Variants in ZNF704 observed in about 807,000 individuals in gnomAD.
ZNF704 encodes the protein glucocorticoid induced gene 1.
In ZNF704, 10 loss-of-function variants were observed where a neutral mutation model predicts 44.7. The observed-to-expected ratio is 0.22, with a 90% CI of 0.14 to 0.38. The LOEUF (loss-of-function observed/expected upper bound fraction) is 0.38. Ranked by LOEUF, ZNF704 falls within the 10% of genes least tolerant of loss-of-function variation. The pLI, the probability that ZNF704 is intolerant of heterozygous loss-of-function variation, is 1.00. For synonymous variants in ZNF704, 211 were observed against 207.6 expected (o/e 1.02, Z -0.14); for missense variants, 390 against 545.5 (o/e 0.71, Z 2.84).
intron 2 of ZNF704, among the ~76,000 whole-genome samples, chr8:80,797,151 A>G (rs116892168): frequency 0.013 from 1,905 of 152,254 alleles, 18 homozygotes; most frequent in Non-Finnish European, 0.02. Context: ...GTATACTGGT[A>G]TGAGGGTTGG....
intron 2 of ZNF704, among the ~76,000 whole-genome samples, chr8:80,698,843 T>C (rs2131642402): frequency 6.6e-6 from 1 of 152,338 alleles, no homozygotes; most frequent in Non-Finnish European, 1.5e-5. Flanking sequence ...CAAACCCAGC[T>C]ATTGTTTGTG....
At chr8:80,873,379 G>A (rs553891089) in intron 1 of ZNF704, among the ~76,000 whole-genome samples, 3 of 151,988 alleles carry the variant, frequency 2.0e-5, no homozygotes, top group Non-Finnish European at 4.4e-5. Context: ...ACAGTTCCTC[G>A]CGCTGCCCCG....
At chr8:80,786,133 T>C (rs913155514) in intron 2 of ZNF704, among the ~76,000 whole-genome samples, 2 of 152,098 alleles carry the variant, frequency 1.3e-5, no homozygotes, top group Non-Finnish European at 2.9e-5. Context: ...CATGGTGACA[T>C]ACACCTGTAG....
Position 80,659,502 on chromosome 8 carries a change from T to C in ZNF704, c.1032+83A>G. 13 of 1,074,552 alleles carry C rather than the reference T, an allele frequency of 1.2e-5. No individual in the cohort carries two copies. In the South Asian group the frequency reaches 1.5e-4, roughly 13 times the overall value. The allele number at this position is 1,074,552 out of a possible 1,614,324, so 66.6% of individuals were successfully genotyped here. A position where few individuals can be genotyped will look rare whatever the true frequency, so the allele number is the denominator to read the frequency against. Reference sequence around the variant, plus strand: ...TGGCATTCTGATGTTTGTATTTTTCTTGCATGCCTCTACTATTTGTTCGCT... The same window carrying C: ...TGGCATTCTGATGTTTGTATTTTTCCTGCATGCCTCTACTATTTGTTCGCT... On this transcript the variant is annotated intron_variant, in intron 7 of 8. Coordinates refer to ENST00000327835, the MANE Select transcript of ZNF704 (RefSeq NM_001033723.3).
upstream of ZNF704, chr8:80,874,864 CTG>C (rs976400067): frequency 1.3e-5 from 2 of 149,902 alleles, no homozygotes; most frequent in African/African-American, 2.4e-5. This position sits in a 1 kb window ranked among gnomAD's most constrained non-coding sequence, Gnocchi z 4.4. Flanking sequence ...TTTCGAAACA[CTG>C]TTTCATGAGC....
chr8:80,746,630 T>C (rs2131700065), intron 2 of ZNF704, among the ~76,000 whole-genome samples: 1 of 152,260 alleles, frequency 6.6e-6, no homozygotes, highest in South Asian at 2.1e-4. Flanking sequence ...AAGAACCAAC[T>C]AGATAGAACC....
At chr8:80,705,347 T>C (rs1484957785) in intron 2 of ZNF704, among the ~76,000 whole-genome samples, 1 of 152,004 alleles carries the variant, frequency 6.6e-6, no homozygotes, top group African/African-American at 2.4e-5. Context: ...TGGGTGTGTG[T>C]TTCTGCACAG....
At position 80,785,515 on chromosome 8, in the gene ZNF704, CTCTT is replaced by C. The variant is rs531956045; in HGVS notation, c.221+35855_221+35858del. 4.0e-3 allele frequency among the ~76,000 whole-genome samples: 605 copies of C among 152,190 alleles called. 1 individual carries two copies. The highest frequency in any genetic ancestry group is 5.3e-3 in the Non-Finnish European group (361 of 67,992). ...TGCAAGGTGACTTACCCATTTTTTC[CTCTT>C]TATTTATCAAATCATTTATTTATAT... On this transcript the variant is annotated intron_variant, in intron 2 of 8. Transcript: ENST00000327835.
intron 2 of ZNF704, among the ~76,000 whole-genome samples, chr8:80,740,382 T>A (rs1806736889): frequency 6.6e-6 from 1 of 152,060 alleles, no homozygotes; most frequent in African/African-American, 2.4e-5. Flanking sequence ...CTGTTCAAAT[T>A]AAACTAAAGG....
intron 2 of ZNF704, among the ~76,000 whole-genome samples, chr8:80,740,012 G>T (rs1806730555): frequency 6.6e-6 from 1 of 152,128 alleles, no homozygotes; most frequent in Non-Finnish European, 1.5e-5. Context: ...TTGAGGGTCA[G>T]GAGGTTAACT....
intron 2 of ZNF704, among the ~76,000 whole-genome samples, chr8:80,712,659 A>G (rs1046627296): frequency 1.3e-5 from 2 of 151,998 alleles, no homozygotes; most frequent in African/African-American, 4.8e-5. Flanking sequence ...ATATTTTAAG[A>G]TTATACTAAA....
intron 5 of ZNF704, among the ~76,000 whole-genome samples, chr8:80,665,659 A>AC (rs1032798227): frequency 3.3e-5 from 5 of 152,078 alleles, no homozygotes; most frequent in East Asian, 1.9e-4. Flanking sequence ...CTGCACTTGT[A>AC]CCCCCCCATT....
chr8:80,701,547 C>T (rs1187538516), intron 2 of ZNF704, among the ~76,000 whole-genome samples: 1 of 152,156 alleles, frequency 6.6e-6, no homozygotes, highest in African/African-American at 2.4e-5. Context: ...AAGACCTCCT[C>T]TCTCCTGTTC....
At chr8:80,854,844 G>C (rs1040896946) in intron 1 of ZNF704, among the ~76,000 whole-genome samples, 1 of 151,894 alleles carries the variant, frequency 6.6e-6, no homozygotes, top group African/African-American at 2.4e-5. Flanking sequence ...TTACTTATTT[G>C]TTTGACTATT....
At chr8:80,680,895 G>T (rs1180799277) in intron 4 of ZNF704, among the ~76,000 whole-genome samples, 1 of 152,160 alleles carries the variant, frequency 6.6e-6, no homozygotes, top group African/African-American at 2.4e-5. Context: ...ACCTCCATGT[G>T]CTGTTTATAG....
At position 80,729,068 on chromosome 8, in the gene ZNF704, C is replaced by G. The variant is rs73693876; in HGVS notation, c.222-35961G>C. Among the ~76,000 whole-genome samples, 56 of 152,166 alleles carry G rather than the reference C, an allele frequency of 3.7e-4. 1 individual carries two copies. Among genetic ancestry groups the G allele is most frequent in the African/African-American group, 1.3e-3 (56 of 41,492 alleles). On this transcript the variant is annotated intron_variant, in intron 2 of 8. Transcript: ENST00000327835. ...TTCATCATTCCCTCCCCTCACTCCT[C>G]AAGTAACCTCTGTTGAACTATTTGA...
chr8:80,808,354 G>A (rs1361164212), intron 2 of ZNF704, among the ~76,000 whole-genome samples: 2 of 152,174 alleles, frequency 1.3e-5, no homozygotes, highest in Non-Finnish European at 2.9e-5. Context: ...TTAATTGAAT[G>A]TGAAGATGGA....
Position 80,633,098 on chromosome 8 carries a change from T to A in ZNF704, c.*8268A>T, listed in dbSNP as rs1447699548. ...TTAATCATTCACAATGAAAGAAATC[T>A]CAGGCATTGCCAATGTCATTTAAAT... On this transcript the variant is annotated 3_prime_UTR_variant, in exon 9 of 9. Coordinates refer to ENST00000327835, the MANE Select transcript of ZNF704 (RefSeq NM_001033723.3). 1 of 152,228 alleles carries A rather than the reference T, an allele frequency of 6.6e-6. No individual in the cohort carries two copies. The highest frequency in any genetic ancestry group is 1.5e-5 in the Non-Finnish European group (1 of 68,048). 9.4% of individuals were successfully genotyped at this position (152,228 alleles called of 1,614,324 possible).
chr8:80,689,609 T>C (rs1356509320), intron 3 of ZNF704, among the ~76,000 whole-genome samples: 1 of 152,228 alleles, frequency 6.6e-6, no homozygotes, highest in Non-Finnish European at 1.5e-5. Context: ...GGCTTACAAA[T>C]ATACTGTAGT....
Sources: allele counts gnomAD v4.1 joint callset (sites outside exome capture counted in the v4.1 genomes callset), GRCh38; gene constraint gnomAD v4.1.1; non-coding constraint Gnocchi (gnomAD v3.1); transcripts MANE v1.5; gene names NCBI Gene and HGNC (gene_info 2026-07-23, HGNC 2026-07-21).